PPM1B: variants seen among roughly 807,000 people sequenced by gnomAD.
PPM1B encodes the protein protein phosphatase, Mg2+/Mn2+ dependent 1B.
A neutral mutation model predicts 43.0 loss-of-function variants in PPM1B; 22 were observed. The observed-to-expected ratio is 0.51, with a 90% CI of 0.37 to 0.73. PPM1B has a LOEUF of 0.73. Ranked by LOEUF, PPM1B falls within the 30% of genes least tolerant of loss-of-function variation. The probability of loss-of-function intolerance (pLI) is 0.00; values close to 1 mark genes in which losing one functional copy is unlikely to be tolerated. For synonymous variants in PPM1B, 217 were observed against 197.9 expected (o/e 1.10, Z -0.81); for missense variants, 632 against 584.2 (o/e 1.08, Z -0.84).
downstream of PPM1B, among the ~76,000 whole-genome samples, chr2:44,236,095 GAAA>G (rs899145015): frequency 6.6e-6 from 1 of 151,202 alleles, no homozygotes; most frequent in African/African-American, 2.4e-5. Flanking sequence ...CATTGTCATT[GAAA>G]AAAAATTATA....
chr2:44,185,635 G>A (rs1000113008), intron 1 of PPM1B, among the ~76,000 whole-genome samples: 4 of 152,140 alleles, frequency 2.6e-5, no homozygotes, highest in African/African-American at 9.7e-5. Context: ...TCTCACTTAT[G>A]ATTTCAGAGA....
chr2:44,194,936 T>A (rs576147939), intron 1 of PPM1B, among the ~76,000 whole-genome samples: 1 of 149,386 alleles, frequency 6.7e-6, no homozygotes, highest in Non-Finnish European at 1.5e-5. Flanking sequence ...TCTTACTCTG[T>A]CACCCAGGCT....
At chr2:44,238,278 T>G (rs189930391), downstream of PPM1B, among the ~76,000 whole-genome samples, 305 of 152,314 alleles carry the variant, frequency 2.0e-3, no homozygotes, top group Non-Finnish European at 3.0e-3. Flanking sequence ...TTTCATGAGA[T>G]TTTGCCTATG....
chr2:44,236,925 T>C (rs1045537154), downstream of PPM1B, among the ~76,000 whole-genome samples: 2 of 152,242 alleles, frequency 1.3e-5, no homozygotes, highest in Non-Finnish European at 2.9e-5. Flanking sequence ...AGAAGCTAAA[T>C]AGTATTTAGT....
At chr2:44,177,713 C>T (rs1436167456) in intron 1 of PPM1B, among the ~76,000 whole-genome samples, 1 of 151,770 alleles carries the variant, frequency 6.6e-6, no homozygotes, top group Non-Finnish European at 1.5e-5. Flanking sequence ...CCACCGCGCC[C>T]GGCCTACATG....
At chr2:44,189,527 G>A (rs1220929694) in intron 1 of PPM1B, among the ~76,000 whole-genome samples, 5 of 151,262 alleles carry the variant, frequency 3.3e-5, no homozygotes, top group African/African-American at 1.2e-4. Flanking sequence ...GCAATGGCGC[G>A]ATCTCAGCTC....
intron 1 of PPM1B, among the ~76,000 whole-genome samples, chr2:44,188,348 A>G: frequency 6.8e-6 from 1 of 147,510 alleles, no homozygotes; most frequent in Admixed American, 6.7e-5. Context: ...CTCTTCTCCC[A>G]GTGTTTATCA....
intron 1 of PPM1B, among the ~76,000 whole-genome samples, chr2:44,180,089 A>C (rs1475760359): frequency 1.3e-5 from 2 of 152,166 alleles, no homozygotes; most frequent in Non-Finnish European, 2.9e-5. Context: ...GATTGAAATG[A>C]ATGCTTGGAA....
intron 1 of PPM1B, among the ~76,000 whole-genome samples, chr2:44,175,397 C>G (rs1377238536): frequency 2.0e-5 from 3 of 152,186 alleles, no homozygotes; most frequent in Non-Finnish European, 4.4e-5. Context: ...GTAAAGAATT[C>G]AGAACAGTCT....
intron 5 of PPM1B, among the ~76,000 whole-genome samples, chr2:44,225,932 A>C (rs946506281): frequency 6.6e-6 from 1 of 151,176 alleles, no homozygotes; most frequent in Non-Finnish European, 1.5e-5. Context: ...CTGGGATTAC[A>C]GGCATGAGCC....
downstream of PPM1B, chr2:44,233,140 GT>G: frequency 1.0e-6 from 1 of 973,828 alleles, no homozygotes; most frequent in Non-Finnish European, 1.2e-6. Flanking sequence ...TGTGATTTTT[GT>G]TTTACATGTG....
At chr2:44,170,124 C>T (rs1048346768) in intron 1 of PPM1B, among the ~76,000 whole-genome samples, 5 of 152,168 alleles carry the variant, frequency 3.3e-5, no homozygotes, top group Non-Finnish European at 5.9e-5. Context: ...ACTTGCATGA[C>T]CTCTCATATC....
intron 1 of PPM1B, among the ~76,000 whole-genome samples, chr2:44,174,371 T>C (rs1011638686): frequency 1.3e-5 from 2 of 152,248 alleles, no homozygotes; most frequent in African/African-American, 4.8e-5. Context: ...GGAACTTGTC[T>C]TTCTCTTAGA....
At position 44,194,959 on chromosome 2, in the gene PPM1B, C is replaced by T. The variant is rs541764471; in HGVS notation, c.-14-6227C>T. Among the ~76,000 whole-genome samples the T allele has an allele frequency of 1.1e-4, 15 of 142,314 alleles. No homozygotes were observed. The South Asian group carries it at 1.6e-3, about 15-fold the overall frequency. The allele number at this position is 142,314 out of a possible 152,430, so 93.4% of individuals were successfully genotyped here. A position where few individuals can be genotyped will look rare whatever the true frequency, so the allele number is the denominator to read the frequency against. ...TGTCACCCAGGCTGGAGTGCGGTGG[C>T]GCAATCACTGCAGCCTCCACCTCTC... is the stretch of plus-strand genomic sequence containing the variant. On this transcript the variant is annotated intron_variant, in intron 1 of 5. Coordinates refer to ENST00000282412, the MANE Select transcript of PPM1B (RefSeq NM_002706.6).
intron 1 of PPM1B, among the ~76,000 whole-genome samples, chr2:44,178,452 G>GTA (rs1553326413): frequency 0.019 from 2,618 of 135,616 alleles, 35 homozygotes; most frequent in African/African-American, 0.022. Flanking sequence ...TTTTATATAT[G>GTA]TATATATATA....
chr2:44,208,702 A>G (rs926908959), intron 2 of PPM1B, among the ~76,000 whole-genome samples: 2 of 152,220 alleles, frequency 1.3e-5, no homozygotes, highest in African/African-American at 4.8e-5. Flanking sequence ...AACAAGAGCG[A>G]AACTTTGTCT....
downstream of PPM1B, among the ~76,000 whole-genome samples, chr2:44,231,668 T>C (rs1256364390): frequency 4.6e-5 from 7 of 152,258 alleles, no homozygotes; most frequent in African/African-American, 1.7e-4. Flanking sequence ...CTTTTTCTTA[T>C]CCATCTTTTG....
intron 1 of PPM1B, among the ~76,000 whole-genome samples, chr2:44,170,593 G>A (rs920609189): frequency 6.6e-6 from 1 of 152,158 alleles, no homozygotes; most frequent in Non-Finnish European, 1.5e-5. Context: ...TCTAGGAGAT[G>A]GAGAAACATG....
chr2:44,223,920 T>A (rs1670095820), intron 5 of PPM1B, among the ~76,000 whole-genome samples: 1 of 151,592 alleles, frequency 6.6e-6, no homozygotes, highest in Admixed American at 6.6e-5. Context: ...TTACCTTTGC[T>A]ATGTGGTCTT....
Sources: gnomAD v4.1 joint callset for allele counts (sites outside exome capture counted in the v4.1 genomes callset) on GRCh38, gnomAD v4.1.1 for gene constraint, MANE v1.5 for transcripts, NCBI Gene and HGNC (gene_info 2026-07-23, HGNC 2026-07-21) for gene names.